The following LMX1A variants were observed in gnomAD, a reference collection of about 807,000 sequenced individuals.
LMX1A encodes LIM homeobox transcription factor 1 alpha.
In LMX1A, 15 loss-of-function variants were observed where a neutral mutation model predicts 49.1. The observed-to-expected ratio is 0.31, with a 90% confidence interval of 0.20 to 0.47. LMX1A has a LOEUF of 0.47. Ranked by LOEUF, LMX1A falls within the 20% of genes least tolerant of loss-of-function variation. The pLI is 1.00. For missense variants in LMX1A, 372 were observed against 475.8 expected (o/e 0.78, Z 2.03); for synonymous variants, 167 against 185.7 (o/e 0.90, Z 0.82).
At chr1:165,269,335 T>C (rs1207758037) in intron 3 of LMX1A, among the ~76,000 whole-genome samples, 2 of 152,146 alleles carry the variant, frequency 1.3e-5, no homozygotes, top group Non-Finnish European at 2.9e-5. Flanking sequence ...ACTAATAGAA[T>C]AAATGCAGGA....
intron 3 of LMX1A, among the ~76,000 whole-genome samples, chr1:165,253,321 A>G (rs537344841): frequency 1.3e-5 from 2 of 152,326 alleles, no homozygotes; most frequent in South Asian, 4.1e-4. Context: ...TAATTATAAT[A>G]TTTAATCACC....
At chr1:165,204,594 T>C (rs899544524) in intron 8 of LMX1A, among the ~76,000 whole-genome samples, 9 of 152,200 alleles carry the variant, frequency 5.9e-5, no homozygotes, top group Non-Finnish European at 7.3e-5. Context: ...GGGCACACAT[T>C]GGAACAGCTG....
intron 3 of LMX1A, among the ~76,000 whole-genome samples, chr1:165,274,549 C>T (rs1205124306): frequency 6.6e-6 from 1 of 152,142 alleles, no homozygotes; most frequent in African/African-American, 2.4e-5. Context: ...GCCAAACAGC[C>T]CTTAGCTAAT....
intron 3 of LMX1A, among the ~76,000 whole-genome samples, chr1:165,342,551 C>A (rs1656107613): frequency 6.6e-6 from 1 of 151,932 alleles, no homozygotes; most frequent in Non-Finnish European, 1.5e-5. Context: ...CAATAGAGAT[C>A]AATGGGGTTG....
chr1:165,350,241 C>G (rs1571237975), intron 3 of LMX1A, among the ~76,000 whole-genome samples: 1 of 150,266 alleles, frequency 6.7e-6, no homozygotes, highest in African/African-American at 2.4e-5. Context: ...AGGAAAATGT[C>G]CTTTGTAATT....
chr1:165,313,273 C>G (rs920760283), intron 3 of LMX1A, among the ~76,000 whole-genome samples: 1 of 152,114 alleles, frequency 6.6e-6, no homozygotes, highest in African/African-American at 2.4e-5. Flanking sequence ...AACCAAGAAG[C>G]TGCCCTGCAT....
rs139803996 is a variant in LMX1A at position 165,304,496 on chromosome 1, A to T, written c.263+48580T>A. 1.9e-4 allele frequency among the ~76,000 whole-genome samples: 29 copies of T among 152,320 alleles called. No individual in the cohort carries two copies. In the East Asian group the frequency reaches 5.6e-3, roughly 29 times the overall value. On this transcript the variant is annotated intron_variant, in intron 3 of 8. Coordinates refer to ENST00000342310, the MANE Select transcript of LMX1A (RefSeq NM_177398.4). Reference sequence around the variant, plus strand: ...GACTGGTTTGGATATACAGTCAAAGATGAAAATCAGTTATGATTGGGTCTG... The same window carrying T: ...GACTGGTTTGGATATACAGTCAAAGTTGAAAATCAGTTATGATTGGGTCTG...
chr1:165,214,536 A>G (rs760684291), intron 4 of LMX1A, among the ~76,000 whole-genome samples: 5 of 152,266 alleles, frequency 3.3e-5, no homozygotes, highest in Admixed American at 6.5e-5. Flanking sequence ...TGAGGATTAA[A>G]TGAGTTTATA....
intron 3 of LMX1A, among the ~76,000 whole-genome samples, chr1:165,280,689 C>T (rs2101705426): frequency 6.6e-6 from 1 of 152,302 alleles, no homozygotes; most frequent in Middle Eastern, 3.4e-3. Flanking sequence ...GTGGTTTAGT[C>T]TGCTTTTCTA....
chr1:165,323,596 C>T (rs2101746047), intron 3 of LMX1A, among the ~76,000 whole-genome samples: 1 of 152,346 alleles, frequency 6.6e-6, no homozygotes, highest in East Asian at 1.9e-4. Flanking sequence ...TCTGTACCAT[C>T]TCTAGCAGCA....
At position 165,353,276 on chromosome 1, in the gene LMX1A, A is replaced by G; in HGVS notation, c.77-14T>C. 1 of 1,606,836 alleles carries G rather than the reference A, an allele frequency of 6.2e-7. No homozygotes were observed. The highest frequency in any genetic ancestry group is 8.5e-7 in the Non-Finnish European group (1 of 1,178,400). On this transcript the variant is annotated splice_polypyrimidine_tract_variant and intron_variant, in intron 2 of 8. Coordinates refer to ENST00000342310, the MANE Select transcript of LMX1A (RefSeq NM_177398.4). ...TCACCGCTCTGCCTGTAGCCACAAC[A>G]GACGTTGGCGGGTGAGCAGCCCGGG...
intron 3 of LMX1A, among the ~76,000 whole-genome samples, chr1:165,254,265 G>A (rs1432247603): frequency 6.6e-6 from 1 of 152,162 alleles, no homozygotes; most frequent in Non-Finnish European, 1.5e-5. Context: ...CCAAGTTGGA[G>A]AAGGGAGGGT....
intron 3 of LMX1A, among the ~76,000 whole-genome samples, chr1:165,307,397 T>G (rs16842354): frequency 0.19 from 28,695 of 152,190 alleles, 2,910 homozygotes; most frequent in African/African-American, 0.22. Context: ...ACAAGCATTC[T>G]GGATAGCCAA....
intron 3 of LMX1A, among the ~76,000 whole-genome samples, chr1:165,336,193 A>C (rs934220175): frequency 1.4e-5 from 2 of 146,472 alleles, no homozygotes; most frequent in Admixed American, 1.3e-4. Context: ...CCCTATTGTC[A>C]GGGGTGGGGT....
intron 4 of LMX1A, among the ~76,000 whole-genome samples, chr1:165,229,731 GT>G (rs544590105): frequency 2.0e-3 from 302 of 151,152 alleles, no homozygotes; most frequent in African/African-American, 6.8e-3. Flanking sequence ...TTGTTTTTTT[GT>G]TTTTTGTTGT....
At chr1:165,241,760 A>G (rs1051603869) in intron 4 of LMX1A, among the ~76,000 whole-genome samples, 3 of 152,250 alleles carry the variant, frequency 2.0e-5, no homozygotes, top group African/African-American at 7.2e-5. Context: ...TTGGAGAACA[A>G]GAAGATTTAC....
intron 4 of LMX1A, among the ~76,000 whole-genome samples, chr1:165,241,897 C>T (rs558545699): frequency 6.6e-6 from 1 of 152,236 alleles, no homozygotes; most frequent in African/African-American, 2.4e-5. Context: ...GAGAAAGAGA[C>T]GTATTACACA....
At chr1:165,218,028 T>C (rs138961979) in intron 4 of LMX1A, among the ~76,000 whole-genome samples, 1,632 of 152,328 alleles carry the variant, frequency 0.011, 28 homozygotes, top group African/African-American at 0.035. Flanking sequence ...AACTCTGCAA[T>C]TGTAGCACAG....
At chr1:165,221,486 G>A (rs1031698694) in intron 4 of LMX1A, among the ~76,000 whole-genome samples, 1 of 152,158 alleles carries the variant, frequency 6.6e-6, no homozygotes, top group African/African-American at 2.4e-5. Flanking sequence ...AAGCACTCCA[G>A]GAGCAGAGCA....
Sources: gnomAD v4.1 joint callset for allele counts (sites outside exome capture counted in the v4.1 genomes callset) on GRCh38, gnomAD v4.1.1 for gene constraint, MANE v1.5 for transcripts, NCBI Gene and HGNC (gene_info 2026-07-23, HGNC 2026-07-21) for gene names.